Variants in NDRG2 observed in about 807,000 individuals in gnomAD.
NDRG2 encodes NDRG family member 2, also known as protein NDRG2.
Under a neutral mutation model 58.2 loss-of-function variants are expected in NDRG2, and 34 were observed. The ratio of observed to expected loss-of-function variants is 0.58; its 90% CI spans 0.44 to 0.78. NDRG2 has a LOEUF of 0.78. Ranked by LOEUF, NDRG2 falls within the 30% of genes least tolerant of loss-of-function variation. The probability of loss-of-function intolerance (pLI) is 0.00; values close to 1 mark genes in which losing one functional copy is unlikely to be tolerated. For missense variants in NDRG2, 434 were observed against 471.2 expected, an observed-to-expected ratio of 0.92 and a Z score of 0.73; for synonymous variants, 187 against 175.9, an observed-to-expected ratio of 1.06 and a Z score of -0.50.
chr14:21,035,852 A>T (rs1467360240), intron 1 of NDRG2: 3 of 456,080 alleles, frequency 6.6e-6, no homozygotes, highest in Non-Finnish European at 8.8e-6. Flanking sequence ...CCACCTCCCC[A>T]ATCCCAGCTA....
chr14:21,018,560 C>G (rs1042077874), intron 12 of NDRG2, 56 bp from the exon 13 acceptor site: 17 of 1,597,586 alleles, frequency 1.1e-5, no homozygotes, highest in Non-Finnish European at 1.4e-5. Flanking sequence ...GCGCCTCCCC[C>G]GTAAGGGACC....
chr14:21,018,251 A>G lies in NDRG2; in HGVS notation c.862-12T>C. 1 of 1,613,498 alleles carries G rather than the reference A, an allele frequency of 6.2e-7. No homozygotes were observed. The highest frequency in any genetic ancestry group is 8.5e-7 in the Non-Finnish European group (1 of 1,179,982). On this transcript the variant is annotated splice_polypyrimidine_tract_variant and intron_variant, in intron 13 of 15. Transcript: ENST00000556147. ...CCGGAGTCAGCCATCTGTTCAGGAGAGCACCACCCAGAAAAAGTGAAACAC... is the reference window on the plus strand; with the variant it reads ...CCGGAGTCAGCCATCTGTTCAGGAGGGCACCACCCAGAAAAAGTGAAACAC...
chr14:21,068,393 AC>A (rs1886402141), intron 1 of NDRG2, among the ~76,000 whole-genome samples: 1 of 151,864 alleles, frequency 6.6e-6, no homozygotes, highest in Non-Finnish European at 1.5e-5. Flanking sequence ...ATATTCCACT[AC>A]CTAAGAGTAG....
At chr14:21,060,993 G>A (rs1419353203) in intron 1 of NDRG2, among the ~76,000 whole-genome samples, 1 of 152,166 alleles carries the variant, frequency 6.6e-6, no homozygotes, top group African/African-American at 2.4e-5. Flanking sequence ...CCGTGATTTG[G>A]AGCTAGGCAA....
intron 1 of NDRG2, chr14:21,033,880 G>A (rs767994398): frequency 6.2e-7 from 1 of 1,614,158 alleles, no homozygotes; most frequent in South Asian, 1.1e-5. Flanking sequence ...CGGGAGCAGA[G>A]TAGGTAGAGC....
Position 21,019,985 on chromosome 14 carries a change from A to G in NDRG2, c.556-9T>C. On this transcript the variant is annotated splice_polypyrimidine_tract_variant and intron_variant, in intron 8 of 15. Transcript: ENST00000556147. The stretch of plus-strand genomic sequence containing the variant: ...GAGGTGAGGCCTGTTAGCTATGAGG[A>G]GAAGGCAGGTGAGAAAGTTCAGGGT... 1 of 1,613,274 alleles carries G rather than the reference A, an allele frequency of 6.2e-7. No homozygotes were observed. The highest frequency in any genetic ancestry group is 1.1e-5 in the South Asian group (1 of 90,982).
chr14:21,059,847 C>CTCTCAAT (rs1885866496), intron 1 of NDRG2, among the ~76,000 whole-genome samples: 1 of 152,144 alleles, frequency 6.6e-6, no homozygotes, highest in African/African-American at 2.4e-5. Flanking sequence ...TTAATGTTTC[C>CTCTCAAT]TCTCAATTTC....
intron 1 of NDRG2, chr14:21,042,133 G>A (rs1003709252): frequency 1.3e-5 from 2 of 152,200 alleles, no homozygotes; most frequent in Non-Finnish European, 2.9e-5. Context: ...AAATCATGTG[G>A]CCAGGGAACA....
At chr14:21,032,074 G>C in intron 1 of NDRG2, 1 of 1,611,302 alleles carries the variant, frequency 6.2e-7, no homozygotes, top group African/African-American at 1.3e-5. Context: ...AGAAGACCAA[G>C]TAGAGAGGAG....
In NDRG2 at chr14:21,017,775, C is replaced by T. The variant is rs1261087341; in HGVS notation, c.950-13G>A. ...CAGGATGAGGCCACTGTGGAGACAG[C>T]ACGATGCACAAGCAGTCAGAGAGGA... On this transcript the variant is annotated splice_polypyrimidine_tract_variant and intron_variant, in intron 15 of 15. Transcript: ENST00000556147. 6.2e-7 allele frequency: 1 copy of T among 1,601,510 alleles called. No homozygotes were observed.
chr14:21,054,082 CA>C (rs920504090), intron 1 of NDRG2, among the ~76,000 whole-genome samples: 6 of 152,090 alleles, frequency 3.9e-5, no homozygotes, highest in African/African-American at 1.4e-4. Flanking sequence ...AAAACAAGAT[CA>C]GTAAAAATTG....
rs968199763 is a variant in NDRG2, at chr14:21,070,458, C to A, written c.24+370G>T. On this transcript the variant is annotated intron_variant, in intron 1 of 14. Transcript: ENST00000403829. This position sits in a 1 kb window ranked among gnomAD's most constrained non-coding sequence, Gnocchi z 4.7. ...CGGCCTTCGCGCAGCCCGCTCCGGG[C>A]CCCCAAGTCCTCAGCCTGGTGCCTC... The A allele has an allele frequency of 1.3e-5, 17 of 1,349,718 alleles. No individual in the cohort carries two copies. The highest frequency in any genetic ancestry group is 1.5e-5 in the Non-Finnish European group (16 of 1,056,954). 83.6% of individuals were successfully genotyped at this position (1,349,718 alleles called of 1,614,324 possible).
chr14:21,023,120 G>T, intron 2 of NDRG2, 121 bp downstream of exon 2: 2 of 935,358 alleles, frequency 2.1e-6, no homozygotes, highest in Non-Finnish European at 3.4e-6. Context: ...AGAGAGACTA[G>T]GGTAGTGGTG....
Position 21,070,095 on chromosome 14 carries a change from G to A in NDRG2, c.24+733C>T, listed in dbSNP as rs1276919938. Among the ~76,000 whole-genome samples the A allele has an allele frequency of 6.6e-6, 1 of 151,998 alleles. No individual in the cohort carries two copies. The highest frequency in any genetic ancestry group is 1.5e-5 in the Non-Finnish European group (1 of 67,948). ...AGAAGAAAGAAGGTTGCCGGTGAAC[G>A]GGACGGATAGGCTGGGGACGCCCGG... On this transcript the variant is annotated intron_variant, in intron 1 of 14. Coordinates refer to the NDRG2 transcript ENST00000403829. The surrounding 1 kb of genome is among the most constrained non-coding windows in gnomAD (Gnocchi z 4.7).
intron 4 of NDRG2, 46 bp downstream of exon 4, chr14:21,022,346 A>C (rs375723363): frequency 1.3e-6 from 2 of 1,585,932 alleles, no homozygotes; most frequent in South Asian, 2.2e-5. Context: ...CCCTTCCCCC[A>C]CAGCCTCTTC....
intron 10 of NDRG2, among the ~76,000 whole-genome samples, chr14:21,019,414 T>C (rs1467718950): frequency 6.6e-6 from 1 of 152,208 alleles, no homozygotes; most frequent in African/African-American, 2.4e-5. Flanking sequence ...ATCTTACTTC[T>C]GGGAGTCCAA....
chr14:21,026,152 GCACACA>G (rs147701833), upstream of NDRG2, among the ~76,000 whole-genome samples: 4 of 149,710 alleles, frequency 2.7e-5, no homozygotes, highest in East Asian at 7.8e-4. Context: ...ACACGCACAC[GCACACA>G]CACACACACA....
rs4387520 is a variant in NDRG2 at position 21,020,839 on chromosome 14, G to A, written c.413C>T (p.Ser138Phe). ...TCCAACACCAACTCCAATTATTGTA[G>A]AGAAACTGTGAAAGGGAAAGAAATA... is the stretch of plus-strand genomic sequence containing the variant. ...IPCVLQYLNFSTIIGVGVGAG... is the reference protein window; with the variant it reads ...IPCVLQYLNFFTIIGVGVGAG... The change falls in exon 7 of 16, where the codon TCT becomes TTT. Residue 138 changes from serine to phenylalanine, a missense_variant. Transcript: ENST00000556147. 1.9e-6 allele frequency: 3 copies of A among 1,613,164 alleles called. No individual in the cohort carries two copies. The highest frequency in any genetic ancestry group is 2.5e-6 in the Non-Finnish European group (3 of 1,179,870).
intron 1 of NDRG2, among the ~76,000 whole-genome samples, chr14:21,051,485 C>T (rs757076515): frequency 2.6e-5 from 4 of 152,154 alleles, no homozygotes; most frequent in Non-Finnish European, 5.9e-5. Flanking sequence ...ATCCAGGGAG[C>T]CATATGCCTC....
Sources: gnomAD v4.1 joint callset for allele counts (sites outside exome capture counted in the v4.1 genomes callset) on GRCh38, gnomAD v4.1.1 for gene constraint, Gnocchi (gnomAD v3.1) non-coding constraint, MANE v1.5 for transcripts, NCBI Gene and HGNC (gene_info 2026-07-23, HGNC 2026-07-21) for gene names.